Variants in TBRG1 observed in about 807,000 individuals in gnomAD.
TBRG1 encodes transforming growth factor beta regulator 1.
Under a neutral mutation model 44.0 loss-of-function variants are expected in TBRG1, and 31 were observed. That is an observed-to-expected ratio of 0.70 (90% CI 0.53 to 0.95). The LOEUF is 0.95. Ranked by LOEUF, TBRG1 falls within the 40% of genes least tolerant of loss-of-function variation. The pLI is 0.00. For synonymous variants in TBRG1, 171 were observed against 188.1 expected, an observed-to-expected ratio of 0.91 and a Z score of 0.74; for missense variants, 487 against 496.1, an observed-to-expected ratio of 0.98 and a Z score of 0.18.
chr11:124,623,448 A>G (rs1387142982), intron 1 of TBRG1: 1 of 680,038 alleles, frequency 1.5e-6, no homozygotes, highest in East Asian at 2.9e-5. Flanking sequence ...CAGAATAATG[A>G]ATATTAAATG....
rs1942662087 is a variant in TBRG1 at position 124,633,824 on chromosome 11, A to C, written c.*1586A>C. ...CACAGAAATGATATATGCTGCTTTTATCATATAACAAATATTTTCCCACTA... is the reference window on the plus strand; with the variant it reads ...CACAGAAATGATATATGCTGCTTTTCTCATATAACAAATATTTTCCCACTA... On this transcript the variant is annotated 3_prime_UTR_variant, in exon 9 of 9. Transcript: ENST00000441174. 1 of 152,216 alleles carries C rather than the reference A, an allele frequency of 6.6e-6. No individual in the cohort carries two copies. The highest frequency in any genetic ancestry group is 6.5e-5 in the Admixed American group (1 of 15,282). The allele number at this position is 152,216 out of a possible 1,614,324, so 9.4% of individuals were successfully genotyped here. A position where few individuals can be genotyped will look rare whatever the true frequency, so the allele number is the denominator to read the frequency against.
At chr11:124,628,070 TATATA>T in intron 5 of TBRG1, among the ~76,000 whole-genome samples, 1 of 33,154 alleles carries the variant, frequency 3.0e-5, no homozygotes, top group South Asian at 1.2e-3. Flanking sequence ...CTGTTTTATA[TATATA>T]TATATATATA....
In TBRG1 at chr11:124,624,363, CAAAAAAA is replaced by C. The variant is rs61352898; in HGVS notation, c.151-554_151-548del. 2.9e-3 allele frequency among the ~76,000 whole-genome samples: 245 copies of C among 83,618 alleles called. 1 individual carries two copies. The highest frequency in any genetic ancestry group is 9.6e-3 in the Admixed American group (73 of 7,630). 54.9% of individuals were successfully genotyped at this position (83,618 alleles called of 152,430 possible). A position where few individuals can be genotyped will look rare whatever the true frequency, so the allele number is the denominator to read the frequency against. ...GGGAGATAGATTGAGTCATCATTTACAAAAAAAAAAAAAAAAAAAAGAAAAAAGATAA... is the reference window on the plus strand; with the variant it reads ...GGGAGATAGATTGAGTCATCATTTACAAAAAAAAAAAAAGAAAAAAGATAA... On this transcript the variant is annotated intron_variant, in intron 1 of 8. Coordinates refer to ENST00000441174, the MANE Select transcript of TBRG1 (RefSeq NM_032811.3).
chr11:124,624,859 A>G, intron 1 of TBRG1, 72 bp from the exon 2 acceptor site: 1 of 1,066,564 alleles, frequency 9.4e-7, no homozygotes, highest in Non-Finnish European at 1.4e-6. Context: ...TGAAATATGG[A>G]TCCTCTTCCC....
At position 124,634,214 on chromosome 11, in the gene TBRG1, G is replaced by T. The variant is rs1942671722; in HGVS notation, c.*1976G>T. The T allele has an allele frequency of 6.6e-6, 1 of 152,144 alleles. No individual in the cohort carries two copies. Among genetic ancestry groups the T allele is most frequent in the Admixed American group, 6.5e-5 (1 of 15,268 alleles). The allele number at this position is 152,144 out of a possible 1,614,324, so 9.4% of individuals were successfully genotyped here. A position where few individuals can be genotyped will look rare whatever the true frequency, so the allele number is the denominator to read the frequency against. Reference sequence around the variant, plus strand: ...CCAGGCGTGGTGGCACGCGCCTGTAGTCCCAGCTACTCGGGAGGCTGAGGC... The same window carrying T: ...CCAGGCGTGGTGGCACGCGCCTGTATTCCCAGCTACTCGGGAGGCTGAGGC... On this transcript the variant is annotated 3_prime_UTR_variant, in exon 9 of 9. Coordinates refer to ENST00000441174, the MANE Select transcript of TBRG1 (RefSeq NM_032811.3).
chr11:124,626,743 C>CA (rs770687084), intron 4 of TBRG1, 134 bp downstream of exon 4: 8 of 1,426,462 alleles, frequency 5.6e-6, no homozygotes, highest in Middle Eastern at 2.1e-4. Flanking sequence ...CCAGTCCCTG[C>CA]AAAACCAGGT....
intron 7 of TBRG1, 178 bp from the exon 8 acceptor site, chr11:124,631,097 C>T (rs1942600314): frequency 6.0e-6 from 4 of 666,724 alleles, no homozygotes; most frequent in Non-Finnish European, 7.5e-6. Flanking sequence ...GGAAATCTAG[C>T]AGACTAATTT....
At chr11:124,624,258 A>G (rs1591371993) in intron 1 of TBRG1, among the ~76,000 whole-genome samples, 1 of 147,124 alleles carries the variant, frequency 6.8e-6, no homozygotes, top group South Asian at 2.2e-4. Context: ...AGAAAAAGCG[A>G]TGTTGTTTTG....
intron 1 of TBRG1, among the ~76,000 whole-genome samples, chr11:124,624,387 A>G (rs1942410996): frequency 6.6e-6 from 1 of 151,626 alleles, no homozygotes; most frequent in South Asian, 2.1e-4. Context: ...AAAAAAAGAA[A>G]AAAGATAATA....
rs1942476720 is a variant in TBRG1, at chr11:124,626,615, T to C, written c.591+6T>C. On this transcript the variant is annotated splice_donor_region_variant and intron_variant, in intron 4 of 8. Coordinates refer to ENST00000441174, the MANE Select transcript of TBRG1 (RefSeq NM_032811.3). ...CAGTATATAGCCTGGGGGAGGTGAG[T>C]GAGACCAGCGATATATAGAGAGGAG... 1.9e-6 allele frequency: 3 copies of C among 1,551,154 alleles called. No homozygotes were observed. The East Asian group carries it at 7.3e-5, about 38-fold the overall frequency.
In TBRG1 at chr11:124,625,017, T is replaced by C. The variant is rs73031436; in HGVS notation, c.221+16T>C. 0.024 allele frequency: 37,363 copies of C among 1,526,116 alleles called. 541 individuals are homozygous for C. Among genetic ancestry groups the C allele is most frequent in the Middle Eastern group, 0.031 (182 of 5,940 alleles). The allele number at this position is 1,526,116 out of a possible 1,614,324, so 94.5% of individuals were successfully genotyped here. A position where few individuals can be genotyped will look rare whatever the true frequency, so the allele number is the denominator to read the frequency against. Reference sequence around the variant, plus strand: ...AAGAAAGAAGGTGAGCTGGCTTCATTTTGTGTTCAGCATCACCTTTTTGGT... The same window carrying C: ...AAGAAAGAAGGTGAGCTGGCTTCATCTTGTGTTCAGCATCACCTTTTTGGT... On this transcript the variant is annotated intron_variant, in intron 2 of 8. Coordinates refer to ENST00000441174, the MANE Select transcript of TBRG1 (RefSeq NM_032811.3).
Position 124,634,138 on chromosome 11 carries a change from A to T in TBRG1, c.*1900A>T, listed in dbSNP as rs889897487. 1 of 152,124 alleles carries T rather than the reference A, an allele frequency of 6.6e-6. No individual in the cohort carries two copies. The highest frequency in any genetic ancestry group is 1.5e-5 in the Non-Finnish European group (1 of 68,048). The allele number at this position is 152,124 out of a possible 1,614,324, so 9.4% of individuals were successfully genotyped here. On this transcript the variant is annotated 3_prime_UTR_variant, in exon 9 of 9. Coordinates refer to ENST00000441174, the MANE Select transcript of TBRG1 (RefSeq NM_032811.3). ...GGCGGGTGGATCAAGAGGTCAGGAG[A>T]TCGAGACCATCCTGGCTAAGTCGGT...
At chr11:124,630,883 A>T in intron 7 of TBRG1, 28 bp downstream of exon 7, 1 of 1,435,742 alleles carries the variant, frequency 7.0e-7, no homozygotes, top group Non-Finnish European at 9.6e-7. Context: ...CATTCCCTTG[A>T]GAAAAGCTCA....
chr11:124,630,308 A>G (rs1417034909), intron 5 of TBRG1, 80 bp from the exon 6 acceptor site: 2 of 928,210 alleles, frequency 2.2e-6, no homozygotes, highest in Non-Finnish European at 3.6e-6. Flanking sequence ...GTTCCAGAGT[A>G]AAGAAATATT....
Position 124,635,032 on chromosome 11 carries a change from G to A in TBRG1, c.*2794G>A, listed in dbSNP as rs2276189. 3.3e-5 allele frequency: 5 copies of A among 152,060 alleles called. No individual in the cohort carries two copies. In the South Asian group the frequency reaches 8.3e-4, roughly 25 times the overall value. The allele number at this position is 152,060 out of a possible 1,614,324, so 9.4% of individuals were successfully genotyped here. On this transcript the variant is annotated 3_prime_UTR_variant, in exon 9 of 9. Coordinates refer to ENST00000441174, the MANE Select transcript of TBRG1 (RefSeq NM_032811.3). ...GCCACTAAAAATGAATGTGCATGGC[G>A]TCATTAACATAATCATTGCCTGAAC...
intron 7 of TBRG1, chr11:124,631,073 C>T (rs1025765054): frequency 1.9e-5 from 12 of 639,630 alleles, no homozygotes; most frequent in African/African-American, 1.8e-4. Context: ...TGTACCATGA[C>T]AGCAAAAGGG....
chr11:124,625,979 GAC>G, intron 3 of TBRG1, 76 bp downstream of exon 3: 2 of 1,457,768 alleles, frequency 1.4e-6, no homozygotes, highest in Non-Finnish European at 1.8e-6. Flanking sequence ...CTAACTGACA[GAC>G]ACACACAGCT....
chr11:124,624,772 T>C (rs1942420859), intron 1 of TBRG1, among the ~76,000 whole-genome samples, 159 bp from the exon 2 acceptor site: 1 of 152,200 alleles, frequency 6.6e-6, no homozygotes, highest in East Asian at 1.9e-4. Flanking sequence ...CCTGACTACC[T>C]TTATCTATGG....
chr11:124,625,211 C>G (rs1942438734), intron 2 of TBRG1, among the ~76,000 whole-genome samples: 1 of 152,214 alleles, frequency 6.6e-6, no homozygotes, highest in South Asian at 2.1e-4. Flanking sequence ...GGCGATGAGA[C>G]AGCTCCTCTA....
Sources: allele counts gnomAD v4.1 joint callset (sites outside exome capture counted in the v4.1 genomes callset), GRCh38; gene constraint gnomAD v4.1.1; transcripts MANE v1.5; gene names NCBI Gene and HGNC (gene_info 2026-07-23, HGNC 2026-07-21).